Variants in CR2 observed in about 807,000 individuals in gnomAD.
CR2 encodes the protein complement receptor type 2.
In CR2, 96 loss-of-function variants were observed where a neutral mutation model predicts 123.0. The ratio of observed to expected loss-of-function variants is 0.78; its 90% CI spans 0.66 to 0.93. CR2 has a LOEUF of 0.93. Among genes scored for constraint, CR2 ranks in the 40% least tolerant of loss-of-function variants. The probability of loss-of-function intolerance (pLI) is 0.00; values close to 1 mark genes in which losing one functional copy is unlikely to be tolerated. For synonymous variants in CR2, 484 were observed against 469.5 expected, an observed-to-expected ratio of 1.03 and a Z score of -0.40; for missense variants, 1,258 against 1,361.0, an observed-to-expected ratio of 0.92 and a Z score of 1.19.
In CR2 at chr1:207,477,987, A is replaced by G; in HGVS notation, c.3005A>G (p.Asp1002Gly). Residue 1002 changes from aspartate (D) to glycine (G), a missense_variant, in exon 16 of 20, where the codon GAT (aspartate) becomes GGT (glycine). Transcript: ENST00000367057. ...YGAVVTLECE[D>G]GYMLEGSPQS... ...GCTGTTGTAACTCTGGAGTGTGAAG[A>G]TGGGTATATGCTGGAAGGCAGTCCC... The G allele has an allele frequency of 6.2e-7, 1 of 1,614,074 alleles. No individual in the cohort carries two copies. The highest frequency in any genetic ancestry group is 8.5e-7 in the Non-Finnish European group (1 of 1,179,982).
At chr1:207,471,784 A>C (rs1005626981) in intron 9 of CR2, 5 of 386,580 alleles carry the variant, frequency 1.3e-5, no homozygotes, top group Non-Finnish European at 2.5e-5. Context: ...TGGGTATACC[A>C]CAGTTTAGTG....
chr1:207,474,421 C>A, intron 13 of CR2, 98 bp downstream of exon 13: 4 of 905,494 alleles, frequency 4.4e-6, no homozygotes, highest in Non-Finnish European at 7.4e-6. Flanking sequence ...CAGTCTTAGG[C>A]GTCTCCCTCA....
intron 18 of CR2, among the ~76,000 whole-genome samples, chr1:207,482,391 A>T (rs1658628701): frequency 6.6e-6 from 1 of 152,162 alleles, no homozygotes; most frequent in South Asian, 2.1e-4. Context: ...AGATACTTTC[A>T]TATGTTGCTC....
chr1:207,473,979 G>T (rs1421214324), intron 12 of CR2, 94 bp downstream of exon 12: 6 of 1,155,572 alleles, frequency 5.2e-6, no homozygotes, highest in Non-Finnish European at 7.7e-6. Context: ...TCCTTTAGAG[G>T]CTCCTCATTG....
rs139362462 is a variant in CR2 at position 207,457,614 on chromosome 1, T to C, written c.58+3138T>C. 2.0e-4 allele frequency among the ~76,000 whole-genome samples: 31 copies of C among 152,346 alleles called. No homozygotes were observed. The East Asian group carries it at 4.4e-3, about 22-fold the overall frequency. ...CTGAAGCTGTTTCTTGCAATGTCGC[T>C]ACTGACCCTTATGCTGATAAATCCA... On this transcript the variant is annotated intron_variant, in intron 1 of 19. Transcript: ENST00000367057.
Position 207,473,710 on chromosome 1 carries a change from C to T in CR2, c.2144C>T (p.Pro715Leu), listed in dbSNP as rs751072066. Reference sequence around the variant, plus strand: ...TCAGGAAATTGGAGTCCTTCTGCCCCACGGTGTGAAGGTACTTTAAGTTCC... The same window carrying T: ...TCAGGAAATTGGAGTCCTTCTGCCCTACGGTGTGAAGGTACTTTAAGTTCC... ...MPSGNWSPSA[P>L]RCEETCQHVR... Residue 715 changes from proline (P) to leucine (L), a missense_variant, in exon 11 of 20, where the codon CCA (proline) becomes CTA (leucine). Pro to Leu is a moderately conservative substitution (Grantham distance 98). Transcript: ENST00000367057. 6.8e-6 allele frequency: 11 copies of T among 1,613,854 alleles called. No homozygotes were observed. The East Asian group carries it at 1.1e-4, about 16-fold the overall frequency.
At chr1:207,475,339 T>C (rs1437848429) in intron 14 of CR2, 123 bp downstream of exon 14, 1 of 1,061,768 alleles carries the variant, frequency 9.4e-7, no homozygotes, top group Non-Finnish European at 1.3e-6. Flanking sequence ...TTATATTGTT[T>C]TACAAGATAT....
At chr1:207,477,810 A>G (rs1159286414) in intron 15 of CR2, 75 bp from the exon 16 acceptor site, 9 of 1,355,136 alleles carry the variant, frequency 6.6e-6, no homozygotes, top group Admixed American at 5.6e-5. Flanking sequence ...AAATCTTTCT[A>G]TTAAGGGAAA....
intron 17 of CR2, among the ~76,000 whole-genome samples, chr1:207,479,761 A>G (rs2182909): frequency 6.6e-6 from 1 of 152,066 alleles, no homozygotes; most frequent in Non-Finnish European, 1.5e-5. Context: ...CCTTGTGGTC[A>G]TGTGCTTGGT....
At chr1:207,480,093 A>G in intron 18 of CR2, 40 bp downstream of exon 18, 1 of 1,483,182 alleles carries the variant, frequency 6.7e-7, no homozygotes, top group Non-Finnish European at 9.4e-7. Flanking sequence ...CAACATGCAC[A>G]AGTGGTTTCG....
intron 19 of CR2, among the ~76,000 whole-genome samples, chr1:207,487,237 C>A (rs149240149): frequency 6.6e-6 from 1 of 152,130 alleles, no homozygotes; most frequent in East Asian, 1.9e-4. Context: ...TGCTGGTAGG[C>A]CAAAAAAATG....
chr1:207,474,402 C>T, intron 13 of CR2, 79 bp downstream of exon 13: 1 of 1,061,156 alleles, frequency 9.4e-7, no homozygotes, highest in Non-Finnish European at 1.5e-6. Context: ...TAGTCTACTG[C>T]TGCTTCAGCA....
Position 207,454,461 on chromosome 1 carries a change from G to A in CR2, c.43G>A (p.Ala15Thr), listed in dbSNP as rs1280260358. ...GLLGVFLALV[A>T]PGVLGISCGS... ...GCTCGGGGTTTTCTTGGCTCTCGTC[G>A]CACCGGGGGTCCTCGGTGAGCTGGG... The change falls in exon 1 of 20, where the codon GCA (alanine) becomes ACA (threonine). Residue 15 changes from alanine (A) to threonine (T), a missense_variant. Ala to Thr is a moderately conservative substitution (Grantham distance 58, BLOSUM62 0). Coordinates refer to ENST00000367057, the MANE Select transcript of CR2 (RefSeq NM_001006658.3). The surrounding 1 kb of genome is among the most constrained non-coding windows in gnomAD (Gnocchi z 4.3). The A allele has an allele frequency of 1.9e-6, 3 of 1,575,250 alleles. No homozygotes were observed. Among genetic ancestry groups the A allele is most frequent in the South Asian group, 2.3e-5 (2 of 88,004 alleles).
At chr1:207,465,429 C>T (rs905539735) in intron 1 of CR2, among the ~76,000 whole-genome samples, 1 of 152,040 alleles carries the variant, frequency 6.6e-6, no homozygotes. Flanking sequence ...ATATAATTAT[C>T]ACATCTTATC....
At chr1:207,466,958 T>A (rs1192265242) in intron 2 of CR2, 46 bp downstream of exon 2, 6 of 1,539,364 alleles carry the variant, frequency 3.9e-6, no homozygotes, top group Non-Finnish European at 5.2e-6. Context: ...GGTCTTGCCT[T>A]TCTGTGCAGA....
rs747385839 is a variant in CR2 at position 207,469,788 on chromosome 1, C to G, written c.911C>G (p.Thr304Ser). The change falls in exon 6 of 20, where the codon ACT becomes AGT. Residue 304 changes from threonine to serine, a missense_variant. Physicochemically the swap from Thr to Ser is moderately conservative, Grantham distance 58. Coordinates refer to ENST00000367057, the MANE Select transcript of CR2 (RefSeq NM_001006658.3). The stretch of plus-strand genomic sequence containing the variant: ...TCATATGGAAGCATAGTCACTTACA[C>G]TTGTGACCCGGACCCAGAGGAAGGA... ...NVSYGSIVTY[T>S]CDPDPEEGVN... 45 of 1,613,866 alleles carry G rather than the reference C, an allele frequency of 2.8e-5. No homozygotes were observed. The highest frequency in any genetic ancestry group is 3.5e-5 in the Non-Finnish European group (41 of 1,179,926).
intron 19 of CR2, 112 bp downstream of exon 19, chr1:207,485,684 A>G (rs1017283830): frequency 8.7e-6 from 6 of 691,590 alleles, no homozygotes; most frequent in Admixed American, 2.2e-5. Flanking sequence ...CTATTGCACA[A>G]GTCTTCAGTA....
chr1:207,478,622 GAAGAA>G (rs1465118078), intron 16 of CR2, among the ~76,000 whole-genome samples: 1 of 150,742 alleles, frequency 6.6e-6, no homozygotes, highest in Non-Finnish European at 1.5e-5. Context: ...TGGGGAAAGT[GAAGAA>G]AAGAAAATAG....
intron 1 of CR2, among the ~76,000 whole-genome samples, chr1:207,466,013 T>G (rs1658088469): frequency 6.6e-6 from 1 of 152,236 alleles, no homozygotes; most frequent in Non-Finnish European, 1.5e-5. Flanking sequence ...TCTCTGTTCA[T>G]GTACTTTTAG....
Sources: gnomAD v4.1 joint callset for allele counts (sites outside exome capture counted in the v4.1 genomes callset) on GRCh38, gnomAD v4.1.1 for gene constraint, Gnocchi (gnomAD v3.1) non-coding constraint, MANE v1.5 for transcripts, NCBI Gene and HGNC (gene_info 2026-07-23, HGNC 2026-07-21) for gene names.